TYW1B: variants seen among roughly 807,000 people sequenced by gnomAD.
TYW1B encodes tRNA-yW synthesizing protein 1 homolog B.
In TYW1B, 73 loss-of-function variants were observed where a neutral mutation model predicts 86.9. The ratio of observed to expected loss-of-function variants is 0.84; its 90% CI spans 0.70 to 1.02. The LOEUF is 1.02. Ranked by LOEUF, TYW1B falls within the 50% of genes least tolerant of loss-of-function variation. TYW1B has a pLI of 0.00. For synonymous variants in TYW1B, 248 were observed against 292.8 expected, an observed-to-expected ratio of 0.85 and a Z score of 1.56; for missense variants, 637 against 827.4, an observed-to-expected ratio of 0.77 and a Z score of 2.82.
intron 11 of TYW1B, among the ~76,000 whole-genome samples, chr7:72,678,260 T>C (rs1293070297): frequency 2.0e-5 from 3 of 150,230 alleles, no homozygotes; most frequent in African/African-American, 7.4e-5. Context: ...AAAAAAACAA[T>C]CAAAGAGGGA....
intron 12 of TYW1B, among the ~76,000 whole-genome samples, chr7:72,624,042 C>A (rs1472441230): frequency 5.3e-5 from 8 of 152,180 alleles, no homozygotes; most frequent in Admixed American, 5.2e-4. Context: ...CTCAAGTGAT[C>A]TGCCTGACTC....
At chr7:72,605,605 GC>G (rs1811775070) in intron 13 of TYW1B, among the ~76,000 whole-genome samples, 1 of 152,040 alleles carries the variant, frequency 6.6e-6, no homozygotes, top group Non-Finnish European at 1.5e-5. Flanking sequence ...GCCCACTTCG[GC>G]CTCCCAAAGT....
intron 4 of TYW1B, among the ~76,000 whole-genome samples, chr7:72,809,265 G>A (rs186719432): frequency 3.3e-5 from 5 of 151,844 alleles, no homozygotes; most frequent in East Asian, 2.0e-4. Flanking sequence ...CGATGATCTC[G>A]ATCTCCTGAC....
In TYW1B at chr7:72,581,162, C is replaced by T. The variant is rs1435524410; in HGVS notation, c.1786-5443G>A. 1.2e-4 allele frequency among the ~76,000 whole-genome samples: 15 copies of T among 121,770 alleles called. 1 individual carries two copies. Among genetic ancestry groups the T allele is most frequent in the Non-Finnish European group, 1.7e-5 (1 of 59,456 alleles). 79.9% of individuals were successfully genotyped at this position (121,770 alleles called of 152,430 possible). ...AGCTGAGCACCTGCCCACTCCATGC[C>T]CCGACAGATGCTTAGAGGTTTCTTC... On this transcript the variant is annotated intron_variant, in intron 13 of 13. Transcript: ENST00000620995.
intron 3 of TYW1B, among the ~76,000 whole-genome samples, chr7:72,810,997 T>C (rs1432214747): frequency 5.1e-4 from 78 of 151,732 alleles, no homozygotes; most frequent in African/African-American, 1.6e-3. Context: ...ACAGGCCGGG[T>C]GCGGTGGCTC....
At chr7:72,587,121 A>G (rs2129567736) in intron 13 of TYW1B, among the ~76,000 whole-genome samples, 1 of 152,286 alleles carries the variant, frequency 6.6e-6, no homozygotes, top group African/African-American at 2.4e-5. Context: ...CTGATGAAAG[A>G]AGAGAGGCTA....
At chr7:72,745,170 G>A (rs1479299779) in intron 7 of TYW1B, among the ~76,000 whole-genome samples, 1 of 152,270 alleles carries the variant, frequency 6.6e-6, no homozygotes, top group East Asian at 1.9e-4. Context: ...GACTATGGGT[G>A]TGAGCCACCA....
chr7:72,636,299 A>ATATAGCAG (rs1554440738), intron 11 of TYW1B, among the ~76,000 whole-genome samples: 3 of 152,180 alleles, frequency 2.0e-5, no homozygotes, highest in Non-Finnish European at 4.4e-5. Flanking sequence ...CTGACTGTGT[A>ATATAGCAG]TCTATATAGC....
intron 7 of TYW1B, among the ~76,000 whole-genome samples, chr7:72,749,303 C>CT (rs1299943596): frequency 6.6e-6 from 1 of 151,698 alleles, no homozygotes; most frequent in African/African-American, 2.4e-5. Context: ...CTTGAGTTTT[C>CT]TTTTTTTTGA....
chr7:72,777,628 T>A (rs868989643), intron 6 of TYW1B, 95 bp from the exon 7 acceptor site: 6 of 1,477,686 alleles, frequency 4.1e-6, no homozygotes, highest in Non-Finnish European at 9.2e-7. Flanking sequence ...AAAAGGTCCA[T>A]TATGAGGCTG....
At chr7:72,651,076 T>C (rs1272462969) in intron 11 of TYW1B, among the ~76,000 whole-genome samples, 1 of 152,204 alleles carries the variant, frequency 6.6e-6, no homozygotes, top group African/African-American at 2.4e-5. Context: ...TCTTTTATGC[T>C]AGAAAACAAG....
intron 8 of TYW1B, among the ~76,000 whole-genome samples, chr7:72,743,005 T>C (rs2129571320): frequency 6.6e-6 from 1 of 152,288 alleles, no homozygotes; most frequent in Non-Finnish European, 1.5e-5. Flanking sequence ...AGATGGCTAA[T>C]AGTGCCATTA....
chr7:72,801,475 G>C (rs1554475595), intron 6 of TYW1B, among the ~76,000 whole-genome samples: 1 of 151,522 alleles, frequency 6.6e-6, no homozygotes, highest in East Asian at 1.9e-4. Flanking sequence ...GTGATATCCT[G>C]CTAACCTTAC....
intron 13 of TYW1B, among the ~76,000 whole-genome samples, chr7:72,606,611 C>CT (rs1219954970): frequency 1.7e-5 from 1 of 59,616 alleles, no homozygotes; most frequent in African/African-American, 4.4e-5. Context: ...AATAAGGCCC[C>CT]CCCCCCGCCT....
At chr7:72,764,329 C>T (rs2129571754) in intron 7 of TYW1B, among the ~76,000 whole-genome samples, 1 of 152,308 alleles carries the variant, frequency 6.6e-6, no homozygotes, top group Middle Eastern at 3.4e-3. Context: ...GTCGCCCAGA[C>T]TGGAGTGCAG....
chr7:72,667,686 C>T (rs2129569615), intron 11 of TYW1B, among the ~76,000 whole-genome samples: 1 of 152,212 alleles, frequency 6.6e-6, no homozygotes, highest in South Asian at 2.1e-4. Flanking sequence ...GCACTCCAGC[C>T]TGGGTGGCAG....
intron 7 of TYW1B, among the ~76,000 whole-genome samples, chr7:72,776,712 T>C (rs1787961893): frequency 6.7e-6 from 1 of 149,712 alleles, no homozygotes; most frequent in African/African-American, 2.5e-5. Flanking sequence ...AAAAGGGAAA[T>C]AAAAAAGCAG....
chr7:72,639,055 T>C (rs1812737650), intron 11 of TYW1B, among the ~76,000 whole-genome samples: 1 of 152,094 alleles, frequency 6.6e-6, no homozygotes. Flanking sequence ...GCAATCACAT[T>C]ACAAGAAGTA....
intron 7 of TYW1B, among the ~76,000 whole-genome samples, chr7:72,775,972 A>T (rs1448137569): frequency 1.3e-5 from 2 of 152,122 alleles, no homozygotes; most frequent in Non-Finnish European, 2.9e-5. Flanking sequence ...AATAATAATA[A>T]AGTGTAGGCT....
Sources: allele counts gnomAD v4.1 joint callset (sites outside exome capture counted in the v4.1 genomes callset), GRCh38; gene constraint gnomAD v4.1.1; transcripts MANE v1.5; gene names NCBI Gene and HGNC (gene_info 2026-07-23, HGNC 2026-07-21).